The following MYO9A variants were observed in gnomAD, a reference collection of about 807,000 sequenced individuals.
MYO9A encodes the protein myosin IXA.
Under a neutral mutation model 293.3 loss-of-function variants are expected in MYO9A, and 103 were observed. That is an observed-to-expected ratio of 0.35 (90% confidence interval 0.30 to 0.41). MYO9A has a LOEUF of 0.41. Among genes scored for constraint, MYO9A ranks in the 10% least tolerant of loss-of-function variants. The pLI is 1.00. For missense variants in MYO9A, 2,685 were observed against 3,033.0 expected (o/e 0.89, Z 2.69); for synonymous variants, 1,001 against 1,035.7 (o/e 0.97, Z 0.64).
At chr15:71,846,359 A>G (rs7170914) in intron 39 of MYO9A, among the ~76,000 whole-genome samples, 8,282 of 152,252 alleles carry the variant, frequency 0.054, 764 homozygotes, top group African/African-American at 0.19. Flanking sequence ...TCAGGGGAGA[A>G]AGGGTCAAGA....
intron 1 of MYO9A, among the ~76,000 whole-genome samples, chr15:72,064,669 C>T (rs531936890): frequency 1.7e-4 from 26 of 151,948 alleles, no homozygotes; most frequent in Non-Finnish European, 3.2e-4. Flanking sequence ...AAAAAGATAC[C>T]GCCACACATC....
At chr15:72,077,758 T>G (rs1299446871) in intron 1 of MYO9A, among the ~76,000 whole-genome samples, 3 of 28,622 alleles carry the variant, frequency 1.0e-4, no homozygotes, top group Non-Finnish European at 2.7e-4. Context: ...AAAAAATATA[T>G]ATATATATAT....
chr15:71,969,232 A>G (rs1020620876), intron 12 of MYO9A, among the ~76,000 whole-genome samples: 4 of 152,110 alleles, frequency 2.6e-5, no homozygotes, highest in African/African-American at 9.7e-5. Flanking sequence ...GCCAACACTG[A>G]TATTTTCTTG....
At chr15:71,918,895 G>A (rs901854379) in intron 18 of MYO9A, among the ~76,000 whole-genome samples, 11 of 152,054 alleles carry the variant, frequency 7.2e-5, no homozygotes, top group African/African-American at 2.7e-4. Flanking sequence ...ATTCATTTCT[G>A]CCTCAGAGTC....
At chr15:72,089,707 A>G (rs1390800766) in intron 1 of MYO9A, among the ~76,000 whole-genome samples, 1 of 152,170 alleles carries the variant, frequency 6.6e-6, no homozygotes. Context: ...CTCGAGCCCC[A>G]AAAGTAAAGG....
intron 8 of MYO9A, among the ~76,000 whole-genome samples, chr15:72,005,053 G>A (rs1005410720): frequency 6.6e-6 from 1 of 152,070 alleles, no homozygotes; most frequent in Non-Finnish European, 1.5e-5. Context: ...ACCAACTAGA[G>A]GCAATCATTT....
chr15:72,107,804 A>AAC (rs1306291792), intron 1 of MYO9A, among the ~76,000 whole-genome samples: 2 of 16,472 alleles, frequency 1.2e-4, no homozygotes, highest in African/African-American at 1.5e-4. Context: ...GCATCAAAAA[A>AAC]AAAAAAACGT....
At chr15:72,116,011 T>TAA (rs980793440) in intron 1 of MYO9A, among the ~76,000 whole-genome samples, 2 of 151,944 alleles carry the variant, frequency 1.3e-5, no homozygotes, top group Non-Finnish European at 2.9e-5. Context: ...TAGTATTAAG[T>TAA]AAAAAAAACA....
chr15:71,862,370 A>G, intron 33 of MYO9A, 130 bp downstream of exon 33: 1 of 685,712 alleles, frequency 1.5e-6, no homozygotes, highest in Non-Finnish European at 2.6e-6. Context: ...TGAAGAGAGT[A>G]TAGCAAGAGA....
chr15:71,897,900 T>C lies in MYO9A; in HGVS notation c.4603A>G (p.Lys1535Glu), dbSNP rs757734144. ...KERKAFKTIE[K>E]PRIGECLVAP... is the part of the protein sequence containing the mutation. ...ACCAAACACTCTCCAATTCTTGGCT[T>C]TTCAATTGTCTTGAAGGCTTTGCGC... Residue 1535 changes from lysine (K) to glutamate (E), a missense_variant, in exon 25 of 42, where the codon AAG becomes GAG. Around this residue, in one of 10 missense-constraint regions of MYO9A, gnomAD observed 1,434 missense variants for 1,497.7 expected, o/e 0.96. Transcript: ENST00000356056. 6.2e-6 allele frequency: 10 copies of C among 1,614,042 alleles called. No individual in the cohort carries two copies. The highest frequency in any genetic ancestry group is 1.3e-5 in the African/African-American group (1 of 74,940).
chr15:71,923,108 G>A, intron 18 of MYO9A, among the ~76,000 whole-genome samples: 1 of 152,118 alleles, frequency 6.6e-6, no homozygotes, highest in East Asian at 1.9e-4. Flanking sequence ...AATTTTGTCA[G>A]ATGCTTTATC....
chr15:71,834,213 AAATATAAAATTTTAGACAAAG>A (rs1484014879), intron 39 of MYO9A, among the ~76,000 whole-genome samples: 2 of 152,160 alleles, frequency 1.3e-5, no homozygotes, highest in African/African-American at 4.8e-5. Context: ...TCATGTCAAT[AAATATAAAATTTTAGACAAAG>A]TGGAGAAATT....
chr15:71,871,347 G>C (rs1171091263), intron 32 of MYO9A, among the ~76,000 whole-genome samples: 2 of 151,966 alleles, frequency 1.3e-5, no homozygotes, highest in Non-Finnish European at 2.9e-5. Context: ...TGCACTTCAG[G>C]CTGGGCAACA....
chr15:72,114,913 A>G (rs2080913944), intron 1 of MYO9A, among the ~76,000 whole-genome samples: 1 of 152,230 alleles, frequency 6.6e-6, no homozygotes. Context: ...CAAACCTCCT[A>G]CATTTCTCTG....
chr15:71,924,918 C>CA (rs1165713559), intron 18 of MYO9A, among the ~76,000 whole-genome samples: 47 of 134,976 alleles, frequency 3.5e-4, no homozygotes, highest in Non-Finnish European at 5.0e-4. Flanking sequence ...AACTTAGTCT[C>CA]AAAAAAAAAA....
At chr15:71,858,419 A>G (rs1343464940) in intron 34 of MYO9A, among the ~76,000 whole-genome samples, 1 of 152,124 alleles carries the variant, frequency 6.6e-6, no homozygotes, top group Non-Finnish European at 1.5e-5. Flanking sequence ...ATGGAATACT[A>G]TGCAGCCATA....
chr15:71,854,010 G>T (rs530138763), intron 35 of MYO9A, among the ~76,000 whole-genome samples: 3 of 152,264 alleles, frequency 2.0e-5, no homozygotes, highest in Non-Finnish European at 4.4e-5. Flanking sequence ...TCATAGGATT[G>T]TTGTGAATAT....
chr15:71,852,016 T>C (rs2055668430), intron 36 of MYO9A, 116 bp downstream of exon 36: 2 of 1,206,268 alleles, frequency 1.7e-6, no homozygotes, highest in Admixed American at 5.1e-5. Context: ...GTCAAAAGCT[T>C]ACCTTTGAAT....
chr15:72,012,588 G>A (rs533739359), intron 6 of MYO9A, among the ~76,000 whole-genome samples: 27 of 152,182 alleles, frequency 1.8e-4, no homozygotes, highest in African/African-American at 4.3e-4. Context: ...GTAAGCCACC[G>A]TACCCAGCCC....
Sources: allele counts gnomAD v4.1 joint callset (sites outside exome capture counted in the v4.1 genomes callset), GRCh38; gene constraint gnomAD v4.1.1; regional missense constraint gnomAD v4.1.1; transcripts MANE v1.5; gene names NCBI Gene and HGNC (gene_info 2026-07-23, HGNC 2026-07-21).